The following STAC3 variants were observed in gnomAD, a reference collection of about 807,000 sequenced individuals.
STAC3 encodes the protein SH3 and cysteine rich domain 3, also known as SH3 and cysteine-rich domain-containing protein 3.
STAC3 carries 30 observed loss-of-function variants against 48.5 expected under a neutral mutation model. That is an observed-to-expected ratio of 0.62 (90% CI 0.46 to 0.84). The LOEUF (loss-of-function observed/expected upper bound fraction) is 0.84, where lower values mean the gene tolerates loss of function less well. Among genes scored for constraint, STAC3 ranks in the 40% least tolerant of loss-of-function variants. The pLI is 0.00. For synonymous variants in STAC3, 144 were observed against 158.6 expected (o/e 0.91, Z 0.69); for missense variants, 419 against 462.6 (o/e 0.91, Z 0.86).
At chr12:57,250,930 T>C (rs2037889396) in intron 1 of STAC3, 63 bp downstream of exon 1, 2 of 213,954 alleles carry the variant, frequency 9.3e-6, no homozygotes, top group Admixed American at 5.3e-5. Flanking sequence ...GCTGAGTAGA[T>C]TATAGATCAG....
Position 57,243,573 on chromosome 12 carries a change from C to T in STAC3, c.*239G>A, listed in dbSNP as rs1433459571. 4.1e-6 allele frequency: 2 copies of T among 489,296 alleles called. No homozygotes were observed. Among genetic ancestry groups the T allele is most frequent in the Admixed American group, 2.3e-5 (1 of 42,758 alleles). 30.3% of individuals were successfully genotyped at this position (489,296 alleles called of 1,614,324 possible). A position where few individuals can be genotyped will look rare whatever the true frequency, so the allele number is the denominator to read the frequency against. On this transcript the variant is annotated 3_prime_UTR_variant, in exon 12 of 12. Coordinates refer to ENST00000332782, the MANE Select transcript of STAC3 (RefSeq NM_145064.3). ...AGTAGATACGCGTTTTTTTCCAGCT[C>T]TTGCAAGCGGGGCCTGAAAGGTTTC...
chr12:57,251,060 G>A lies in STAC3; in HGVS notation c.-69C>T. ...TGGGAGCCTCGAGGCCTTGATGGTG[G>A]TGCTGGGGAAAAACTGGTCCTCTTC... is the stretch of plus-strand genomic sequence containing the variant. On this transcript the variant is annotated 5_prime_UTR_variant, in exon 1 of 12. Transcript: ENST00000332782. 2.3e-6 allele frequency: 1 copy of A among 434,068 alleles called. No homozygotes were observed. Among genetic ancestry groups the A allele is most frequent in the South Asian group, 1.6e-5 (1 of 62,776 alleles). 26.9% of individuals were successfully genotyped at this position (434,068 alleles called of 1,614,324 possible).
At chr12:57,248,097 T>C (rs2037796963) in intron 5 of STAC3, 29 bp downstream of exon 5, 2 of 1,592,164 alleles carry the variant, frequency 1.3e-6, no homozygotes, top group African/African-American at 1.3e-5. Flanking sequence ...GGCTTGCCCA[T>C]TCCCTCATGT....
At chr12:57,250,023 G>T (rs1017813399) in intron 1 of STAC3, among the ~76,000 whole-genome samples, 7 of 152,140 alleles carry the variant, frequency 4.6e-5, no homozygotes, top group Non-Finnish European at 8.8e-5. Context: ...TGAGACAGGC[G>T]TGAGCCACTG....
At chr12:57,245,926 A>G (rs2037728877) in intron 6 of STAC3, among the ~76,000 whole-genome samples, 2 of 152,002 alleles carry the variant, frequency 1.3e-5, no homozygotes, top group African/African-American at 4.8e-5. Context: ...CCTGACCAAC[A>G]TGGAGAAATC....
At position 57,248,750 on chromosome 12, in the gene STAC3, G is replaced by T. The variant is rs747311756; in HGVS notation, c.388C>A (p.His130Asn). 3 of 1,614,090 alleles carry T rather than the reference G, an allele frequency of 1.9e-6. No homozygotes were observed. Among genetic ancestry groups the T allele is most frequent in the East Asian group, 2.2e-5 (1 of 44,842 alleles). Residue 130 changes from histidine (H) to asparagine (N), a missense_variant, in exon 4 of 12, where the codon CAC becomes AAC. By Grantham distance (68) the His-to-Asn change is moderately conservative. Coordinates refer to ENST00000332782, the MANE Select transcript of STAC3 (RefSeq NM_145064.3). ...CKNCKTNIHE[H>N]CQSYVEMQRC... The stretch of plus-strand genomic sequence containing the variant: ...TGCATTTCCACATAGGACTGACAGT[G>T]TTCATGGATGTTGGTTTTGCAGTTC...
intron 4 of STAC3, chr12:57,248,431 T>G (rs1199265643): frequency 3.6e-6 from 2 of 562,470 alleles, no homozygotes; most frequent in Non-Finnish European, 6.3e-6. Context: ...CAGGCTGGAG[T>G]GCAGTGGCAC....
chr12:57,248,568 T>C, intron 4 of STAC3, 138 bp downstream of exon 4: 1 of 668,138 alleles, frequency 1.5e-6, no homozygotes, highest in Admixed American at 2.3e-5. Context: ...AGAGACGGGG[T>C]TTCACTGTGT....
At chr12:57,246,390 CCTTT>C (rs527404678) in intron 6 of STAC3, among the ~76,000 whole-genome samples, 4,420 of 120,626 alleles carry the variant, frequency 0.037, 105 homozygotes, top group South Asian at 0.1. Flanking sequence ...TTCCTTCCTT[CCTTT>C]TTTTTTTTTC....
chr12:57,250,690 T>C (rs188552625), intron 1 of STAC3, among the ~76,000 whole-genome samples: 21 of 152,190 alleles, frequency 1.4e-4, no homozygotes, highest in African/African-American at 3.9e-4. Flanking sequence ...CCTCCCCTAC[T>C]TTTTTCTTGA....
chr12:57,249,724 G>T, intron 1 of STAC3, 87 bp from the exon 2 acceptor site: 1 of 1,434,226 alleles, frequency 7.0e-7, no homozygotes, highest in Non-Finnish European at 9.7e-7. Context: ...GGTCCTCAAA[G>T]GGGAGGCTTT....
Position 57,243,864 on chromosome 12 carries a change from T to C in STAC3, c.1043A>G (p.Tyr348Cys). The C allele has an allele frequency of 6.2e-7, 1 of 1,614,080 alleles. No homozygotes were observed. Residue 348 changes from tyrosine (Y) to cysteine (C), a missense_variant, in exon 12 of 12, where the codon TAC becomes TGC. Physicochemically the swap from Tyr to Cys is radical, Grantham distance 194 (BLOSUM62 -2). Coordinates refer to ENST00000332782, the MANE Select transcript of STAC3 (RefSeq NM_145064.3). Reference sequence around the variant, plus strand: ...AAACAGCCCCACCTTGCGGCCGGTGTAGACCTTGACGTAGCCGCCCGCTTC... The same window carrying C: ...AAACAGCCCCACCTTGCGGCCGGTGCAGACCTTGACGTAGCCGCCCGCTTC... Reference protein sequence around the residue: ...GDEAGGYVKVYTGRKVGLFPT... With the variant: ...GDEAGGYVKVCTGRKVGLFPT...
chr12:57,248,174 T>C lies in STAC3; in HGVS notation c.457A>G (p.Ser153Gly), dbSNP rs767857119. ...KIPPGFHRAY[S>G]SPLYSNQQYA... ...TGCTGGTTGCTGTAGAGTGGGGAACTATAGGCCCGATGGAAACCAGGTGGC... is the reference window on the plus strand; with the variant it reads ...TGCTGGTTGCTGTAGAGTGGGGAACCATAGGCCCGATGGAAACCAGGTGGC... Residue 153 changes from serine (S) to glycine (G), a missense_variant, in exon 5 of 12, where the codon AGT (serine) becomes GGT (glycine). Coordinates refer to ENST00000332782, the MANE Select transcript of STAC3 (RefSeq NM_145064.3). 3.1e-6 allele frequency: 5 copies of C among 1,613,942 alleles called. No homozygotes were observed. In the African/African-American group the frequency reaches 6.7e-5, roughly 22 times the overall value.
At position 57,251,002 on chromosome 12, in the gene STAC3, T is replaced by G; in HGVS notation, c.-11A>C. The G allele has an allele frequency of 3.1e-6, 1 of 317,988 alleles. No individual in the cohort carries two copies. 19.7% of individuals were successfully genotyped at this position (317,988 alleles called of 1,614,324 possible). ...TGAAGAGGTAACTTACGTTCGGGAT[T>G]CCCTAAGTCAGTCCACAGGCTGTAG... On this transcript the variant is annotated 5_prime_UTR_variant, in exon 1 of 12. Transcript: ENST00000332782.
intron 1 of STAC3, among the ~76,000 whole-genome samples, chr12:57,250,219 A>G (rs1257168076): frequency 6.6e-6 from 1 of 151,666 alleles, no homozygotes; most frequent in Non-Finnish European, 1.5e-5. Flanking sequence ...GTGAAACCCC[A>G]TCTCTACTAA....
chr12:57,250,484 C>T (rs1307508093), intron 1 of STAC3, among the ~76,000 whole-genome samples: 2 of 150,454 alleles, frequency 1.3e-5, no homozygotes, highest in Non-Finnish European at 3.0e-5. Context: ...TCCTGAGGGG[C>T]GACCCCATAG....
chr12:57,246,860 T>TGC lies in STAC3; in HGVS notation c.545_546dup (p.Thr183AlafsTer4). 1 of 1,613,940 alleles carries TGC rather than the reference T, an allele frequency of 6.2e-7. No homozygotes were observed. ...TCCTTGTTTGCCATGATCACCCCAGTGCGCAGGGTTTCAAACACAGGATCA... is the reference window on the plus strand; with the variant it reads ...TCCTTGTTTGCCATGATCACCCCAGTGCGCGCAGGGTTTCAAACACAGGATCA... On this transcript the variant is annotated frameshift_variant, in exon 6 of 12. Coordinates refer to ENST00000332782, the MANE Select transcript of STAC3 (RefSeq NM_145064.3). LOFTEE classifies it high-confidence loss of function.
rs189284325 is a variant in STAC3 at position 57,248,213 on chromosome 12, G to A, written c.433-15C>T. 2.8e-4 allele frequency: 457 copies of A among 1,606,878 alleles called. No homozygotes were observed. In the Middle Eastern group the frequency reaches 5.6e-3, roughly 20 times the overall value. Reference sequence around the variant, plus strand: ...AAACCAGGTGGCTGTAGGATGGGATGAGAGGAAGCATTAGAGGTAGCAAAG... The same window carrying A: ...AAACCAGGTGGCTGTAGGATGGGATAAGAGGAAGCATTAGAGGTAGCAAAG... On this transcript the variant is annotated splice_polypyrimidine_tract_variant and intron_variant, in intron 4 of 11. Coordinates refer to ENST00000332782, the MANE Select transcript of STAC3 (RefSeq NM_145064.3).
At chr12:57,245,341 A>G (rs1190073057) in intron 6 of STAC3, 130 bp from the exon 7 acceptor site, 1 of 814,482 alleles carries the variant, frequency 1.2e-6, no homozygotes, top group Middle Eastern at 2.4e-4. Flanking sequence ...CCTTGGAGGA[A>G]ATATCTAGTT....
Sources: gnomAD v4.1 joint callset for allele counts (sites outside exome capture counted in the v4.1 genomes callset) on GRCh38, gnomAD v4.1.1 for gene constraint, MANE v1.5 for transcripts, NCBI Gene and HGNC (gene_info 2026-07-23, HGNC 2026-07-21) for gene names.